Variants in SOX5 observed in about 807,000 individuals in gnomAD.
SOX5 encodes the protein transcription factor SOX-5.
A neutral mutation model predicts 92.0 loss-of-function variants in SOX5; 9 were observed. The ratio of observed to expected loss-of-function variants is 0.10; its 90% confidence interval spans 0.06 to 0.17. The LOEUF (loss-of-function observed/expected upper bound fraction) is 0.17, where lower values mean the gene tolerates loss of function less well. Ranked by LOEUF, SOX5 falls within the 10% of genes least tolerant of loss-of-function variation. SOX5 has a pLI of 1.00. For synonymous variants in SOX5, 344 were observed against 336.3 expected (o/e 1.02, Z -0.25); for missense variants, 642 against 944.5 (o/e 0.68, Z 4.20).
At chr12:23,877,397 G>T (rs1011785586) in intron 2 of SOX5, among the ~76,000 whole-genome samples, 4 of 151,700 alleles carry the variant, frequency 2.6e-5, no homozygotes, top group Non-Finnish European at 4.4e-5. Context: ...ATTATTCTTT[G>T]AATTTAAAAA....
chr12:24,432,047 A>G (rs1269350213), intron 1 of SOX5, among the ~76,000 whole-genome samples: 1 of 152,114 alleles, frequency 6.6e-6, no homozygotes, highest in African/African-American at 2.4e-5. Context: ...GCCTCATGAC[A>G]GTGTCACCCC....
At chr12:24,070,021 G>C (rs543910905) in intron 4 of SOX5, among the ~76,000 whole-genome samples, 2 of 152,032 alleles carry the variant, frequency 1.3e-5, no homozygotes, top group Non-Finnish European at 2.9e-5. Flanking sequence ...GTCAACAACC[G>C]GGGAGAGCGC....
intron 4 of SOX5, among the ~76,000 whole-genome samples, chr12:24,200,182 C>A (rs1957380773): frequency 6.6e-6 from 1 of 152,142 alleles, no homozygotes; most frequent in Non-Finnish European, 1.5e-5. Flanking sequence ...GGCTAGGAAT[C>A]AGGAAATCTG....
Position 23,569,646 on chromosome 12 carries a change from T to C in SOX5, c.1342+6015A>G, listed in dbSNP as rs112938465. On this transcript the variant is annotated intron_variant, in intron 10 of 14. Coordinates refer to ENST00000451604, the MANE Select transcript of SOX5 (RefSeq NM_006940.6). ...TTTAAGCTGTACACAACATTCCCCC[T>C]TTTCCAAGGACAGGCCTTCATCCTT... Among the ~76,000 whole-genome samples, 9 of 152,304 alleles carry C rather than the reference T, an allele frequency of 5.9e-5. 1 individual carries two copies. The highest frequency in any genetic ancestry group is 2.2e-4 in the African/African-American group (9 of 41,564).
intron 1 of SOX5, among the ~76,000 whole-genome samples, chr12:24,482,637 T>C (rs1946114820): frequency 6.6e-6 from 1 of 152,090 alleles, no homozygotes; most frequent in African/African-American, 2.4e-5. Context: ...ATCCAAAAAG[T>C]TGTTGTTTCA....
intron 2 of SOX5, among the ~76,000 whole-genome samples, chr12:23,882,899 AG>A (rs2097012852): frequency 2.0e-5 from 3 of 152,084 alleles, no homozygotes; most frequent in Admixed American, 6.6e-5. Context: ...AGATAATGAT[AG>A]GGCGGGCGTG....
chr12:23,818,305 C>T (rs1238044626), intron 3 of SOX5, among the ~76,000 whole-genome samples: 1 of 152,158 alleles, frequency 6.6e-6, no homozygotes. Context: ...CAAACCTGTA[C>T]AGCTTGTTAC....
chr12:23,676,506 C>G (rs1440175249), intron 6 of SOX5, among the ~76,000 whole-genome samples: 1 of 152,100 alleles, frequency 6.6e-6, no homozygotes, highest in Non-Finnish European at 1.5e-5. Context: ...ATTCATTGAG[C>G]GCTCACTTGG....
chr12:23,999,175 T>TGTGTGC (rs1376424401), intron 4 of SOX5, among the ~76,000 whole-genome samples: 2 of 145,346 alleles, frequency 1.4e-5, no homozygotes, highest in African/African-American at 5.5e-5. Context: ...TGTGTGTGTG[T>TGTGTGC]GTACCATTGC....
intron 2 of SOX5, among the ~76,000 whole-genome samples, chr12:24,277,623 G>T (rs1019357988): frequency 2.1e-5 from 3 of 140,004 alleles, no homozygotes; most frequent in African/African-American, 7.6e-5. Context: ...ATAAAATTAT[G>T]GTTTGTGGAA....
intron 4 of SOX5, among the ~76,000 whole-genome samples, chr12:24,075,638 T>C (rs1441098172): frequency 6.6e-6 from 1 of 152,274 alleles, no homozygotes; most frequent in East Asian, 1.9e-4. Flanking sequence ...TTAAAAAACA[T>C]GTTTGAACCA....
chr12:23,589,188 A>AT lies in SOX5; in HGVS notation c.1165-13351dup, dbSNP rs540136752. ...AAGTTTCTCTGCCATTTTTGAGATA[A>AT]TTTTTTTTTTGCATAAAAGAGAAGC... On this transcript the variant is annotated intron_variant, in intron 9 of 14. Transcript: ENST00000451604. Among the ~76,000 whole-genome samples, 169 of 149,604 alleles carry AT rather than the reference A, an allele frequency of 1.1e-3. 4 individuals are homozygous for AT. The highest frequency in any genetic ancestry group is 0.011 in the East Asian group (55 of 5,136).
chr12:23,710,547 A>G lies in SOX5; in HGVS notation c.810+24137T>C, dbSNP rs1051530027. 3.3e-5 allele frequency among the ~76,000 whole-genome samples: 5 copies of G among 152,134 alleles called. No individual in the cohort carries two copies. The East Asian group carries it at 7.7e-4, about 23-fold the overall frequency. Reference sequence around the variant, plus strand: ...AGAATGATGGTTTCCAGCTTCATCCATGTCCCCACAAAGGACATGAACTCA... The same window carrying G: ...AGAATGATGGTTTCCAGCTTCATCCGTGTCCCCACAAAGGACATGAACTCA... On this transcript the variant is annotated intron_variant, in intron 6 of 14. Coordinates refer to ENST00000451604, the MANE Select transcript of SOX5 (RefSeq NM_006940.6).
intron 11 of SOX5, among the ~76,000 whole-genome samples, chr12:23,549,526 T>C (rs954542350): frequency 6.6e-6 from 1 of 151,974 alleles, no homozygotes; most frequent in Non-Finnish European, 1.5e-5. Flanking sequence ...ACAAGATTGA[T>C]TGGTCTTCTC....
At chr12:23,794,543 A>C (rs767942882) in intron 3 of SOX5, among the ~76,000 whole-genome samples, 10 of 152,218 alleles carry the variant, frequency 6.6e-5, no homozygotes, top group Non-Finnish European at 1.0e-4. Flanking sequence ...AGCCTTACTT[A>C]TTTTAGCATT....
At chr12:24,285,885 AAAT>A (rs1013353139) in intron 2 of SOX5, among the ~76,000 whole-genome samples, 1 of 152,218 alleles carries the variant, frequency 6.6e-6, no homozygotes, top group South Asian at 2.1e-4. Context: ...AAAAAGATAA[AAAT>A]AATATTTATA....
chr12:24,094,738 C>T (rs1323967611), intron 4 of SOX5, among the ~76,000 whole-genome samples: 1 of 152,078 alleles, frequency 6.6e-6, no homozygotes, highest in African/African-American at 2.4e-5. Flanking sequence ...CCATACTTTC[C>T]CCACCGGCTT....
intron 1 of SOX5, among the ~76,000 whole-genome samples, chr12:24,502,798 T>G (rs1222520053): frequency 6.6e-6 from 1 of 152,154 alleles, no homozygotes; most frequent in African/African-American, 2.4e-5. Context: ...TTACCAGTGG[T>G]AAAACGAAGT....
chr12:24,082,100 G>A (rs1235090927), intron 4 of SOX5, among the ~76,000 whole-genome samples: 1 of 151,806 alleles, frequency 6.6e-6, no homozygotes, highest in Non-Finnish European at 1.5e-5. Context: ...TGCTATTTTC[G>A]AGCATGTGTA....
Sources: gnomAD v4.1 joint callset for allele counts (sites outside exome capture counted in the v4.1 genomes callset) on GRCh38, gnomAD v4.1.1 for gene constraint, MANE v1.5 for transcripts, NCBI Gene and HGNC (gene_info 2026-07-23, HGNC 2026-07-21) for gene names.